ZNF229: variants seen among roughly 807,000 people sequenced by gnomAD.
ZNF229 encodes the protein zinc finger protein 229.
ZNF229 carries 10 observed loss-of-function variants against 11.8 expected under a neutral mutation model. That is an observed-to-expected ratio of 0.85 (90% confidence interval 0.52 to 1.44). The LOEUF (loss-of-function observed/expected upper bound fraction) is 1.44. Among genes scored for constraint, ZNF229 ranks in the 40% most tolerant of loss-of-function variants. The pLI, the probability that ZNF229 is intolerant of heterozygous loss-of-function variation, is 0.00. For synonymous variants in ZNF229, 368 were observed against 374.8 expected (o/e 0.98, Z 0.21); for missense variants, 1,045 against 1,015.1 (o/e 1.03, Z -0.40).
chr19:44,439,198 G>T (rs544616574), intron 4 of ZNF229, among the ~76,000 whole-genome samples: 1 of 152,174 alleles, frequency 6.6e-6, no homozygotes, highest in Admixed American at 6.6e-5. Context: ...GAAGTCTTCT[G>T]CCTGTGATTA....
At position 44,430,517 on chromosome 19, in the gene ZNF229, C is replaced by A. The variant is rs779741601; in HGVS notation, c.264G>T (p.Glu88Asp). The change falls in exon 6 of 6, where the codon GAG (glutamate) becomes GAT (aspartate). Residue 88 changes from glutamate to aspartate, a missense_variant. Transcript: ENST00000614049. ...PLGDKNGKDT[E>D]YIQDEELRFF... ...ACCTTAATTCTTCATCTTGAATATACTCCGTATCCTTTCCATTCTTGTCTC... is the reference window on the plus strand; with the variant it reads ...ACCTTAATTCTTCATCTTGAATATAATCCGTATCCTTTCCATTCTTGTCTC... The A allele has an allele frequency of 6.2e-7, 1 of 1,613,468 alleles. No homozygotes were observed. The highest frequency in any genetic ancestry group is 2.2e-5 in the East Asian group (1 of 44,868).
Position 44,429,023 on chromosome 19 carries a change from G to A in ZNF229, c.1758C>T (p.Asp586=), listed in dbSNP as rs768752956. ...ECGKGFRRNS[D]LHSHQRVHTG... is the part of the protein sequence containing the mutation. ...TGTGGACCCTCTGGTGGCTGTGAAG[G>A]TCTGAATTCCGCCGGAAGCCCTTCC... Residue 586 remains aspartate (D), a synonymous_variant, in exon 6 of 6, where the codon GAC becomes GAT. Coordinates refer to ENST00000614049, the MANE Select transcript of ZNF229 (RefSeq NM_014518.4). 2.5e-6 allele frequency: 4 copies of A among 1,612,746 alleles called. No homozygotes were observed. In the South Asian group the frequency reaches 3.3e-5, roughly 13 times the overall value.
At chr19:44,445,104 G>A (rs932821036) in intron 2 of ZNF229, among the ~76,000 whole-genome samples, 9 of 152,146 alleles carry the variant, frequency 5.9e-5, no homozygotes, top group Non-Finnish European at 4.4e-5. Flanking sequence ...GAAATGAAGA[G>A]GAAATATTCT....
chr19:44,435,184 A>G (rs1323661809), intron 4 of ZNF229, among the ~76,000 whole-genome samples: 2 of 152,198 alleles, frequency 1.3e-5, no homozygotes, highest in African/African-American at 4.8e-5. Flanking sequence ...TTACTTTTTC[A>G]AGAAATATTC....
rs1246111280 is a variant in ZNF229 at position 44,426,715 on chromosome 19, G to A, written c.*1588C>T. On this transcript the variant is annotated 3_prime_UTR_variant, in exon 6 of 6. Coordinates refer to ENST00000614049, the MANE Select transcript of ZNF229 (RefSeq NM_014518.4). ...TTTAAATTTAAAAACTCCACCTTCT[G>A]CATGCGTTTTTGCCCAAGTGGGCAA... The A allele has an allele frequency of 6.6e-6, 1 of 152,090 alleles. No homozygotes were observed. The highest frequency in any genetic ancestry group is 2.4e-5 in the African/African-American group (1 of 41,380). 9.4% of individuals were successfully genotyped at this position (152,090 alleles called of 1,614,324 possible).
Position 44,428,477 on chromosome 19 carries a change from A to G in ZNF229, c.2304T>C (p.Tyr768=), listed in dbSNP as rs1400559950. 6.2e-7 allele frequency: 1 copy of G among 1,613,850 alleles called. No homozygotes were observed. Among genetic ancestry groups the G allele is most frequent in the South Asian group, 1.1e-5 (1 of 91,072 alleles). Residue 768 remains tyrosine, a synonymous_variant, in exon 6 of 6, where the codon TAT becomes TAC. Coordinates refer to ENST00000614049, the MANE Select transcript of ZNF229 (RefSeq NM_014518.4). ...HQRVHTGEKP[Y]KCEECGKGFG... ...AGCCCTTCCCACACTCCTCACATTT[A>G]TAGGGTTTCTCACCAGTGTGGACCC...
intron 4 of ZNF229, among the ~76,000 whole-genome samples, chr19:44,437,636 T>C (rs1467929292): frequency 6.6e-6 from 1 of 152,156 alleles, no homozygotes; most frequent in Admixed American, 6.5e-5. Flanking sequence ...CAAAGGAATA[T>C]AAATTATTCT....
At chr19:44,436,974 T>A (rs1348861248) in intron 4 of ZNF229, among the ~76,000 whole-genome samples, 1 of 151,774 alleles carries the variant, frequency 6.6e-6, no homozygotes, top group Non-Finnish European at 1.5e-5. Context: ...ATATATATAT[T>A]TACACACACA....
rs868295694 is a variant in ZNF229, at chr19:44,428,611, C to T, written c.2170G>A (p.Gly724Ser). The stretch of plus-strand genomic sequence containing the variant: ...CTCTTATGACTAAGGAGACCTGAGC[C>T]ATATCTGAAACCCTTCCCACATTCA... Reference protein sequence around the residue: ...CCECGKGFRYGSGLLSHKRVH... With the variant: ...CCECGKGFRYSSGLLSHKRVH... Residue 724 changes from glycine to serine, a missense_variant, in exon 6 of 6, where the codon GGC (glycine) becomes AGC (serine). Gly to Ser is a moderately conservative substitution (Grantham distance 56, BLOSUM62 0). Coordinates refer to ENST00000614049, the MANE Select transcript of ZNF229 (RefSeq NM_014518.4). 4 of 1,613,782 alleles carry T rather than the reference C, an allele frequency of 2.5e-6. No homozygotes were observed. In the South Asian group the frequency reaches 4.4e-5, roughly 18 times the overall value.
intron 4 of ZNF229, 45 bp downstream of exon 4, chr19:44,442,518 T>C (rs1349129672): frequency 1.9e-6 from 3 of 1,598,500 alleles, no homozygotes; most frequent in Non-Finnish European, 2.6e-6. Flanking sequence ...GTTTTCTCTC[T>C]GATGCCTAAG....
At position 44,429,441 on chromosome 19, in the gene ZNF229, G is replaced by A. The variant is rs776978478; in HGVS notation, c.1340C>T (p.Ala447Val). ...GTGAATGTGCTGGTGTTTGTGCAGTGCAGACTTGGCACAGAAGCCTTTGCC... is the reference window on the plus strand; with the variant it reads ...GTGAATGTGCTGGTGTTTGTGCAGTACAGACTTGGCACAGAAGCCTTTGCC... ...ECGKGFCAKS[A>V]LHKHQHIHPG... The change falls in exon 6 of 6, where the codon GCA becomes GTA. Residue 447 changes from alanine (A) to valine (V), a missense_variant. Physicochemically the swap from Ala to Val is moderately conservative, Grantham distance 64. Coordinates refer to ENST00000614049, the MANE Select transcript of ZNF229 (RefSeq NM_014518.4). 5.8e-5 allele frequency: 93 copies of A among 1,613,432 alleles called. No individual in the cohort carries two copies. The highest frequency in any genetic ancestry group is 7.8e-5 in the Non-Finnish European group (92 of 1,179,906).
At chr19:44,442,492 C>A (rs986345852) in intron 4 of ZNF229, 71 bp downstream of exon 4, 49 of 1,535,888 alleles carry the variant, frequency 3.2e-5, no homozygotes, top group Non-Finnish European at 4.1e-5. Flanking sequence ...TTTCCTTTTA[C>A]CGAGAAGGGA....
chr19:44,430,477 C>A lies in ZNF229; in HGVS notation c.304G>T (p.Glu102Ter), dbSNP rs766620659. 3 of 1,614,100 alleles carry A rather than the reference C, an allele frequency of 1.9e-6. No homozygotes were observed. The highest frequency in any genetic ancestry group is 2.5e-6 in the Non-Finnish European group (3 of 1,180,020). ...TCCCAGATTTTGCATGAGGAGAGCTCTTTGTGTGAAAAGAACCTTAATTCT... is the reference window on the plus strand; with the variant it reads ...TCCCAGATTTTGCATGAGGAGAGCTATTTGTGTGAAAAGAACCTTAATTCT... ...DEELRFFSHKELSSCKIWEEV... is the reference protein window; with the variant it reads ...DEELRFFSHK The change falls in exon 6 of 6, where the codon GAG becomes TAG. Residue 102 changes from glutamate (E) to a stop codon, truncating the protein, a stop_gained. Transcript: ENST00000614049. LOFTEE classifies it low-confidence loss of function (END_TRUNC).
intron 4 of ZNF229, among the ~76,000 whole-genome samples, chr19:44,439,360 C>A (rs910226184): frequency 2.6e-5 from 4 of 152,180 alleles, no homozygotes; most frequent in African/African-American, 9.7e-5. Context: ...TGTGTTTGTA[C>A]TGTTTGTAGT....
intron 4 of ZNF229, among the ~76,000 whole-genome samples, chr19:44,433,769 T>A (rs1457092753): frequency 6.6e-6 from 1 of 152,048 alleles, no homozygotes; most frequent in Admixed American, 6.5e-5. Flanking sequence ...GTCTTTTTGT[T>A]TGTTTGCTTG....
chr19:44,446,961 A>G (rs756281544), intron 2 of ZNF229, among the ~76,000 whole-genome samples: 2 of 152,190 alleles, frequency 1.3e-5, no homozygotes, highest in Non-Finnish European at 1.5e-5. Context: ...CTGTGAAAAA[A>G]GCTGGGATGA....
intron 2 of ZNF229, among the ~76,000 whole-genome samples, chr19:44,446,973 A>T (rs1972013769): frequency 6.6e-6 from 1 of 152,178 alleles, no homozygotes; most frequent in South Asian, 2.1e-4. Flanking sequence ...CTGGGATGAG[A>T]CAAGTCCAGA....
chr19:44,435,002 G>A (rs760224238), intron 4 of ZNF229, among the ~76,000 whole-genome samples: 3 of 152,010 alleles, frequency 2.0e-5, no homozygotes, highest in Middle Eastern at 3.2e-3. Flanking sequence ...CCCCTCCACA[G>A]CCTCTCTTGC....
At chr19:44,442,116 A>G (rs1971921486) in intron 4 of ZNF229, among the ~76,000 whole-genome samples, 1 of 147,636 alleles carries the variant, frequency 6.8e-6, no homozygotes, top group East Asian at 2.2e-4. Context: ...AACTTTTCTA[A>G]TATGTTTTTC....
Sources: gnomAD v4.1 joint callset for allele counts (sites outside exome capture counted in the v4.1 genomes callset) on GRCh38, gnomAD v4.1.1 for gene constraint, MANE v1.5 for transcripts, NCBI Gene and HGNC (gene_info 2026-07-23, HGNC 2026-07-21) for gene names.